The following CNTN5 variants were observed in gnomAD, a reference collection of about 807,000 sequenced individuals.
The protein encoded by CNTN5 is contactin 5, also known as contactin-5.
Under a neutral mutation model 129.1 loss-of-function variants are expected in CNTN5, and 77 were observed. The ratio of observed to expected loss-of-function variants is 0.60; its 90% CI spans 0.50 to 0.72. The LOEUF is 0.72. CNTN5 is among the 30% of genes least tolerant of loss of function. The probability of loss-of-function intolerance (pLI) is 0.00; values close to 1 mark genes in which losing one functional copy is unlikely to be tolerated. For synonymous variants in CNTN5, 509 were observed against 465.6 expected (o/e 1.09, Z -1.20); for missense variants, 1,478 against 1,328.8 (o/e 1.11, Z -1.75).
At chr11:99,565,764 AT>A (rs1335723144) in intron 3 of CNTN5, among the ~76,000 whole-genome samples, 2 of 151,960 alleles carry the variant, frequency 1.3e-5, no homozygotes, top group Non-Finnish European at 2.9e-5. Context: ...TTCTCCCATG[AT>A]TTCCCCCCAT....
intron 13 of CNTN5, among the ~76,000 whole-genome samples, chr11:100,151,118 G>A (rs1947038735): frequency 1.3e-5 from 2 of 152,052 alleles, no homozygotes; most frequent in African/African-American, 2.4e-5. Context: ...CTCTGTCTGT[G>A]GTATTTTGTT....
At chr11:99,607,441 A>G (rs2135718241) in intron 3 of CNTN5, among the ~76,000 whole-genome samples, 1 of 132,118 alleles carries the variant, frequency 7.6e-6, no homozygotes, top group Admixed American at 7.9e-5. Flanking sequence ...TTAAAAAGTC[A>G]GGAAACAACA....
chr11:100,132,789 C>T (rs1416057442), intron 13 of CNTN5, among the ~76,000 whole-genome samples: 1 of 152,076 alleles, frequency 6.6e-6, no homozygotes, highest in Non-Finnish European at 1.5e-5. Flanking sequence ...ATAATCAAGA[C>T]CACCATTTTG....
intron 13 of CNTN5, among the ~76,000 whole-genome samples, chr11:100,171,252 G>GGTGGGGATATCAAATATTTAT (rs1947817126): frequency 6.6e-6 from 1 of 152,006 alleles, no homozygotes; most frequent in African/African-American, 2.4e-5. Context: ...AACCATCCCA[G>GGTGGGGATATCAAATATTTAT]GTGGGGATAT....
chr11:99,570,367 A>C (rs971533475), intron 3 of CNTN5, among the ~76,000 whole-genome samples: 2 of 152,220 alleles, frequency 1.3e-5, no homozygotes, highest in Non-Finnish European at 2.9e-5. Flanking sequence ...ATAAAACCCA[A>C]CATGCAGCAT....
intron 1 of CNTN5, among the ~76,000 whole-genome samples, chr11:99,139,113 C>CAA (rs757931503): frequency 0.72 from 101,208 of 140,298 alleles, 36,413 homozygotes; most frequent in Middle Eastern, 0.77. Flanking sequence ...CCCCCCCCCC[C>CAA]AAAAATTAGC....
intron 1 of CNTN5, among the ~76,000 whole-genome samples, chr11:99,156,288 C>T (rs561921835): frequency 2.0e-5 from 3 of 152,054 alleles, no homozygotes; most frequent in Non-Finnish European, 4.4e-5. Context: ...GATGGCTAAT[C>T]TTTGAATAGA....
chr11:100,166,450 A>G (rs1443556426), intron 13 of CNTN5, among the ~76,000 whole-genome samples: 4 of 151,710 alleles, frequency 2.6e-5, no homozygotes, highest in Non-Finnish European at 5.9e-5. Context: ...TCTTCTGTTC[A>G]TTTCATATTA....
chr11:100,215,497 C>A (rs1949120295), intron 15 of CNTN5, among the ~76,000 whole-genome samples: 1 of 152,104 alleles, frequency 6.6e-6, no homozygotes, highest in African/African-American at 2.4e-5. Flanking sequence ...TAAAGCACAG[C>A]AACTAATGCA....
intron 6 of CNTN5, among the ~76,000 whole-genome samples, chr11:99,902,556 T>G (rs1315193528): frequency 1.3e-5 from 2 of 152,172 alleles, no homozygotes; most frequent in Non-Finnish European, 2.9e-5. Context: ...TACACTTCAG[T>G]GCAAAAGAGC....
intron 2 of CNTN5, among the ~76,000 whole-genome samples, chr11:99,457,203 T>C (rs1944528233): frequency 6.6e-6 from 1 of 151,996 alleles, no homozygotes; most frequent in African/African-American, 2.4e-5. Context: ...AGTATTTAGC[T>C]ACAATCTACA....
chr11:99,785,220 GT>G (rs1379316506), intron 3 of CNTN5, among the ~76,000 whole-genome samples: 2 of 152,118 alleles, frequency 1.3e-5, no homozygotes, highest in Non-Finnish European at 2.9e-5. Flanking sequence ...AGAAATGTCT[GT>G]TTGTATCCTT....
At chr11:100,169,625 C>T (rs1033681675) in intron 13 of CNTN5, among the ~76,000 whole-genome samples, 1 of 152,054 alleles carries the variant, frequency 6.6e-6, no homozygotes, top group East Asian at 1.9e-4. Context: ...GTACACTTAA[C>T]CACAGTATAG....
chr11:100,205,717 C>T (rs1231779973), intron 15 of CNTN5, among the ~76,000 whole-genome samples: 3 of 151,360 alleles, frequency 2.0e-5, no homozygotes, highest in African/African-American at 7.3e-5. Flanking sequence ...AACTATTTAC[C>T]TAGCATTTAT....
chr11:100,325,663 T>A (rs184889886), intron 21 of CNTN5, among the ~76,000 whole-genome samples: 48 of 152,312 alleles, frequency 3.2e-4, no homozygotes, highest in East Asian at 3.1e-3. Context: ...TTTCTTTGGG[T>A]TGTTTGAAAA....
At chr11:99,785,692 C>T (rs1293874668) in intron 3 of CNTN5, among the ~76,000 whole-genome samples, 1 of 152,080 alleles carries the variant, frequency 6.6e-6, no homozygotes, top group Non-Finnish European at 1.5e-5. Flanking sequence ...AAGACTGGTT[C>T]AACATATACA....
At chr11:99,560,803 G>A (rs554470470) in intron 3 of CNTN5, among the ~76,000 whole-genome samples, 103 of 152,226 alleles carry the variant, frequency 6.8e-4, no homozygotes, top group African/African-American at 1.9e-3. Flanking sequence ...GATGGTGGAG[G>A]CCAGGTTTCT....
intron 3 of CNTN5, among the ~76,000 whole-genome samples, chr11:99,648,660 C>G (rs546537489): frequency 6.6e-6 from 1 of 151,656 alleles, no homozygotes; most frequent in South Asian, 2.1e-4. Flanking sequence ...TGGAATCAAC[C>G]CAAATGTCCA....
At chr11:99,705,961 C>T (rs1341413639) in intron 3 of CNTN5, among the ~76,000 whole-genome samples, 1 of 151,340 alleles carries the variant, frequency 6.6e-6, no homozygotes, top group Non-Finnish European at 1.5e-5. Flanking sequence ...ACAAGCTGAA[C>T]CATCACCAGG....
Sources: gnomAD v4.1 joint callset for allele counts (sites outside exome capture counted in the v4.1 genomes callset) on GRCh38, gnomAD v4.1.1 for gene constraint, MANE v1.5 for transcripts, NCBI Gene and HGNC (gene_info 2026-07-23, HGNC 2026-07-21) for gene names.